Variants in NYAP2 observed in about 807,000 individuals in gnomAD.
The protein encoded by NYAP2 is neuronal tyrosine-phosphorylated phosphoinositide-3-kinase adaptor 2.
Under a neutral mutation model 50.4 loss-of-function variants are expected in NYAP2, and 23 were observed. That is an observed-to-expected ratio of 0.46 (90% CI 0.33 to 0.65). NYAP2 has a LOEUF of 0.65. NYAP2 is among the 30% of genes least tolerant of loss of function. The pLI is 0.02. For missense variants in NYAP2, 885 were observed against 861.0 expected (o/e 1.03, Z -0.35); for synonymous variants, 394 against 365.2 (o/e 1.08, Z -0.90).
At chr2:225,486,028 T>C (rs1309573659) in intron 3 of NYAP2, among the ~76,000 whole-genome samples, 1 of 152,146 alleles carries the variant, frequency 6.6e-6, no homozygotes, top group African/African-American at 2.4e-5. Flanking sequence ...CCCCCACTTC[T>C]CTCCTACCCC....
chr2:225,476,281 TG>T (rs1409240112), intron 3 of NYAP2, among the ~76,000 whole-genome samples: 1 of 151,926 alleles, frequency 6.6e-6, no homozygotes, highest in East Asian at 1.9e-4. Context: ...GGCGTAGTGA[TG>T]GGCGCCTGTA....
chr2:225,635,875 C>A (rs1340505168), intron 6 of NYAP2, among the ~76,000 whole-genome samples: 2 of 152,146 alleles, frequency 1.3e-5, no homozygotes, highest in African/African-American at 4.8e-5. Flanking sequence ...GATTTAAAAC[C>A]AGGTTGTCAA....
At chr2:225,451,517 A>G (rs891365003) in intron 3 of NYAP2, among the ~76,000 whole-genome samples, 6 of 152,154 alleles carry the variant, frequency 3.9e-5, no homozygotes, top group African/African-American at 1.4e-4. Context: ...ATCAGGATGA[A>G]TGCATTTACC....
intron 4 of NYAP2, among the ~76,000 whole-genome samples, chr2:225,527,532 G>T (rs1691173994): frequency 6.6e-6 from 1 of 152,172 alleles, no homozygotes; most frequent in African/African-American, 2.4e-5. Flanking sequence ...GCAGTAGCTT[G>T]CTTCTCAAGA....
At chr2:225,515,787 T>C (rs112376221) in intron 4 of NYAP2, among the ~76,000 whole-genome samples, 1,698 of 152,302 alleles carry the variant, frequency 0.011, 27 homozygotes, top group African/African-American at 0.039. Context: ...GAAAACTACC[T>C]AATAAATTAT....
At chr2:225,628,315 GTTT>G (rs543647777) in intron 6 of NYAP2, among the ~76,000 whole-genome samples, 1 of 109,418 alleles carries the variant, frequency 9.1e-6, no homozygotes. Context: ...AGAACACATA[GTTT>G]TTTTTTTTTT....
At chr2:225,594,849 C>A (rs942964562) in intron 5 of NYAP2, among the ~76,000 whole-genome samples, 2 of 152,092 alleles carry the variant, frequency 1.3e-5, no homozygotes, top group African/African-American at 2.4e-5. Flanking sequence ...AAGTTCCACT[C>A]CTAGCAGAAT....
intron 3 of NYAP2, among the ~76,000 whole-genome samples, chr2:225,459,610 A>AT (rs1389003023): frequency 1.3e-5 from 2 of 151,560 alleles, no homozygotes; most frequent in Admixed American, 6.6e-5. Context: ...TTAGGGCTAC[A>AT]TTTTTTCCTC....
chr2:225,622,563 CTTTCTTTCTTT>C, intron 5 of NYAP2, among the ~76,000 whole-genome samples: 2 of 43,744 alleles, frequency 4.6e-5, no homozygotes, highest in East Asian at 1.3e-3. Context: ...CTTTCTTTTT[CTTTCTTTCTTT>C]CTTTCTTCTT....
In NYAP2 at chr2:225,565,422, A is replaced by G. The variant is rs117009039; in HGVS notation, c.524-16519A>G. Reference sequence around the variant, plus strand: ...ACATGGGCTATAAACCTAATGCAGAAGGAAACTGACATATTGGTCTCATAG... The same window carrying G: ...ACATGGGCTATAAACCTAATGCAGAGGGAAACTGACATATTGGTCTCATAG... On this transcript the variant is annotated intron_variant, in intron 4 of 6. Transcript: ENST00000636099. 2.5e-4 allele frequency among the ~76,000 whole-genome samples: 38 copies of G among 152,340 alleles called. No individual in the cohort carries two copies. The East Asian group carries it at 7.1e-3, about 29-fold the overall frequency.
chr2:225,693,573 G>A, the NYAP2 span, among the ~76,000 whole-genome samples: 1 of 152,062 alleles, frequency 6.6e-6, no homozygotes, highest in Non-Finnish European at 1.5e-5. Flanking sequence ...AAACTGAGAA[G>A]TCCAAGACCA....
intron 6 of NYAP2, among the ~76,000 whole-genome samples, chr2:225,648,878 G>A (rs1475197893): frequency 1.3e-5 from 2 of 152,122 alleles, no homozygotes; most frequent in South Asian, 2.1e-4. Flanking sequence ...GAAACCATGC[G>A]ACTGCTGATG....
chr2:225,634,978 T>C (rs543153100), intron 6 of NYAP2, among the ~76,000 whole-genome samples: 1 of 152,344 alleles, frequency 6.6e-6, no homozygotes, highest in South Asian at 2.1e-4. Flanking sequence ...TTTTATCAGT[T>C]GATTTATAAG....
intron 5 of NYAP2, among the ~76,000 whole-genome samples, chr2:225,594,004 G>A (rs919185882): frequency 6.6e-6 from 1 of 152,148 alleles, no homozygotes; most frequent in African/African-American, 2.4e-5. Flanking sequence ...TTATTGGAGG[G>A]AAAGATATAA....
rs1224129197 is a variant in NYAP2, at chr2:225,512,896, C to CCTTCCTTCCTTCCTTG, written c.222-472_222-471insCCTTCCTTCCTTGCTT. Among the ~76,000 whole-genome samples, 103 of 121,194 alleles carry CCTTCCTTCCTTCCTTG rather than the reference C, an allele frequency of 8.5e-4. 1 individual carries two copies. Among genetic ancestry groups the CCTTCCTTCCTTCCTTG allele is most frequent in the African/African-American group, 3.0e-3 (99 of 32,552 alleles). 79.5% of individuals were successfully genotyped at this position (121,194 alleles called of 152,430 possible). On this transcript the variant is annotated intron_variant, in intron 3 of 6. Transcript: ENST00000636099. ...TCCTTCCTTCCTTCCTTCCTTCCTT[C>CCTTCCTTCCTTCCTTG]CTTTCCTTTCCTTTCTTTTTCTTTC...
intron 3 of NYAP2, among the ~76,000 whole-genome samples, chr2:225,487,442 T>A (rs1574639332): frequency 6.6e-6 from 1 of 151,974 alleles, no homozygotes; most frequent in South Asian, 2.1e-4. Context: ...TCACTGCAAC[T>A]TCCGCCTCCT....
intron 4 of NYAP2, among the ~76,000 whole-genome samples, chr2:225,520,399 G>A (rs1476861674): frequency 6.6e-6 from 1 of 152,012 alleles, no homozygotes; most frequent in Non-Finnish European, 1.5e-5. Context: ...GGTTTTTATG[G>A]TTTTAGGTCT....
At chr2:225,413,326 A>C (rs1439538874) in intron 3 of NYAP2, among the ~76,000 whole-genome samples, 3 of 152,088 alleles carry the variant, frequency 2.0e-5, no homozygotes, top group African/African-American at 7.2e-5. Flanking sequence ...AAACAAATAA[A>C]AAATAGGACA....
intron 4 of NYAP2, among the ~76,000 whole-genome samples, chr2:225,533,546 G>A (rs1691296472): frequency 6.6e-6 from 1 of 152,044 alleles, no homozygotes; most frequent in Non-Finnish European, 1.5e-5. Flanking sequence ...ACAAATAGCT[G>A]GGCATGGTGG....
Sources: gnomAD v4.1 joint callset for allele counts (sites outside exome capture counted in the v4.1 genomes callset) on GRCh38, gnomAD v4.1.1 for gene constraint, MANE v1.5 for transcripts, NCBI Gene and HGNC (gene_info 2026-07-23, HGNC 2026-07-21) for gene names.